The following CFAP299 variants were observed in gnomAD, a reference collection of about 807,000 sequenced individuals.
CFAP299 encodes the protein cilia- and flagella-associated protein 299.
Under a neutral mutation model 27.0 loss-of-function variants are expected in CFAP299, and 21 were observed. The ratio of observed to expected loss-of-function variants is 0.78; its 90% CI spans 0.55 to 1.12. The LOEUF (loss-of-function observed/expected upper bound fraction) is 1.12. CFAP299 is among the 50% of genes most tolerant of loss of function. The pLI is 0.00. For synonymous variants in CFAP299, 104 were observed against 98.1 expected, an observed-to-expected ratio of 1.06 and a Z score of -0.36; for missense variants, 310 against 276.6, an observed-to-expected ratio of 1.12 and a Z score of -0.86.
chr4:80,739,327 A>T (rs1264015457), intron 3 of CFAP299, among the ~76,000 whole-genome samples: 2 of 152,100 alleles, frequency 1.3e-5, no homozygotes, highest in Non-Finnish European at 2.9e-5. Flanking sequence ...AACTCTCTTT[A>T]GCCTTTCTTG....
intron 3 of CFAP299, among the ~76,000 whole-genome samples, chr4:80,643,051 C>CT (rs1406023834): frequency 2.0e-5 from 3 of 151,968 alleles, no homozygotes; most frequent in African/African-American, 7.3e-5. Context: ...AATCCCAGCA[C>CT]TTTGGGAGGC....
chr4:80,623,834 A>G (rs138781596), intron 3 of CFAP299, among the ~76,000 whole-genome samples: 36 of 152,228 alleles, frequency 2.4e-4, no homozygotes, highest in Admixed American at 6.5e-4. Context: ...TCCTAGTGCA[A>G]GACAGGACCA....
chr4:80,648,247 A>G (rs1740122320), intron 3 of CFAP299, among the ~76,000 whole-genome samples: 2 of 152,126 alleles, frequency 1.3e-5, no homozygotes, highest in Non-Finnish European at 2.9e-5. Flanking sequence ...CTTTCCAGAA[A>G]CTGATACTAG....
chr4:80,918,546 A>AAGGAGAG (rs1735873905), intron 4 of CFAP299, among the ~76,000 whole-genome samples: 1 of 152,110 alleles, frequency 6.6e-6, no homozygotes, highest in Non-Finnish European at 1.5e-5. Flanking sequence ...GAGAAAGAGA[A>AAGGAGAG]AGGAGAGAGG....
At chr4:80,891,045 G>T (rs1734247016) in intron 4 of CFAP299, among the ~76,000 whole-genome samples, 1 of 151,690 alleles carries the variant, frequency 6.6e-6, no homozygotes. Context: ...CTTTTGCTGT[G>T]CAGAAGCTCT....
intron 3 of CFAP299, among the ~76,000 whole-genome samples, chr4:80,691,646 C>A (rs1316350848): frequency 6.7e-6 from 1 of 150,104 alleles, no homozygotes; most frequent in Non-Finnish European, 1.5e-5. Context: ...GACAGGGATG[C>A]CCTCTCTCAC....
intron 3 of CFAP299, among the ~76,000 whole-genome samples, chr4:80,668,138 TTTTG>T (rs1046161414): frequency 7.7e-4 from 90 of 116,358 alleles, no homozygotes; most frequent in African/African-American, 2.7e-3. Flanking sequence ...TATTCAGTTC[TTTTG>T]TTTGTTTTTA....
chr4:80,843,068 T>TTA (rs1553898496), intron 3 of CFAP299, among the ~76,000 whole-genome samples: 2 of 151,084 alleles, frequency 1.3e-5, no homozygotes, highest in East Asian at 1.9e-4. Flanking sequence ...TCTTCTTTTT[T>TTA]TATATATATA....
intron 5 of CFAP299, among the ~76,000 whole-genome samples, chr4:80,947,861 C>A (rs1386124873): frequency 6.6e-6 from 1 of 151,998 alleles, no homozygotes; most frequent in Non-Finnish European, 1.5e-5. Flanking sequence ...CATAAAATTT[C>A]TTATAGACCT....
intron 3 of CFAP299, among the ~76,000 whole-genome samples, chr4:80,823,373 T>A (rs1952725257): frequency 6.6e-6 from 1 of 152,288 alleles, no homozygotes; most frequent in East Asian, 1.9e-4. Context: ...CCCCCATTTT[T>A]AAAATTGTTT....
In CFAP299 at chr4:80,800,160, A is replaced by G. The variant is rs865897361; in HGVS notation, c.334-69833A>G. On this transcript the variant is annotated intron_variant, in intron 3 of 5. Transcript: ENST00000358105. ...TTATATAAATATATTTATATAATAT[A>G]TAATACATATAATATATAATAATAT... 2.8e-3 allele frequency among the ~76,000 whole-genome samples: 203 copies of G among 72,138 alleles called. 1 individual carries two copies. The highest frequency in any genetic ancestry group is 0.011 in the African/African-American group (193 of 17,226). The allele number at this position is 72,138 out of a possible 152,430, so 47.3% of individuals were successfully genotyped here.
chr4:80,877,238 A>T (rs1420325184), intron 4 of CFAP299, among the ~76,000 whole-genome samples: 1 of 152,162 alleles, frequency 6.6e-6, no homozygotes, highest in East Asian at 1.9e-4. Flanking sequence ...TTTACAGATA[A>T]ATTTAATTTT....
intron 3 of CFAP299, among the ~76,000 whole-genome samples, chr4:80,763,573 A>G (rs1020024772): frequency 6.6e-6 from 1 of 152,182 alleles, no homozygotes; most frequent in Non-Finnish European, 1.5e-5. Flanking sequence ...CAAGAATATC[A>G]TTGACTTTCT....
At chr4:80,779,202 C>T (rs975718653) in intron 3 of CFAP299, among the ~76,000 whole-genome samples, 1 of 152,082 alleles carries the variant, frequency 6.6e-6, no homozygotes. Context: ...TCTGATCCAG[C>T]GTCTGTGCTC....
chr4:80,422,135 C>T (rs375022600), intron 2 of CFAP299, among the ~76,000 whole-genome samples: 1 of 152,080 alleles, frequency 6.6e-6, no homozygotes, highest in African/African-American at 2.4e-5. Flanking sequence ...AAAAAAAATA[C>T]TATCTTGTTT....
At chr4:80,601,126 T>C (rs1737326151) in intron 3 of CFAP299, among the ~76,000 whole-genome samples, 1 of 152,192 alleles carries the variant, frequency 6.6e-6, no homozygotes, top group South Asian at 2.1e-4. Context: ...TTAAAAGTTT[T>C]ATAGCTTTTA....
chr4:80,335,921 C>T (rs371524942), intron 1 of CFAP299, 42 bp downstream of exon 1: 2 of 1,257,842 alleles, frequency 1.6e-6, no homozygotes, highest in Non-Finnish European at 2.3e-6. Flanking sequence ...CCGCGCGTCC[C>T]TCGGTCCCTC....
intron 1 of CFAP299, among the ~76,000 whole-genome samples, chr4:80,352,871 AAAAG>A (rs1313516770): frequency 6.6e-6 from 1 of 152,134 alleles, no homozygotes; most frequent in Non-Finnish European, 1.5e-5. Flanking sequence ...ATTTGAGTAA[AAAAG>A]AAAACAAAAT....
intron 2 of CFAP299, among the ~76,000 whole-genome samples, chr4:80,456,355 A>G (rs748291947): frequency 5.3e-5 from 8 of 152,018 alleles, no homozygotes; most frequent in Non-Finnish European, 1.2e-4. Flanking sequence ...TCTGGCTATA[A>G]TAAGAATAGT....
Sources: gnomAD v4.1 joint callset for allele counts (sites outside exome capture counted in the v4.1 genomes callset) on GRCh38, gnomAD v4.1.1 for gene constraint, MANE v1.5 for transcripts, NCBI Gene and HGNC (gene_info 2026-07-23, HGNC 2026-07-21) for gene names.